SLC25A3: variants seen among roughly 807,000 people sequenced by gnomAD.
SLC25A3 encodes the protein phosphate transport protein.
Under a neutral mutation model 37.1 loss-of-function variants are expected in SLC25A3, and 14 were observed. That is an observed-to-expected ratio of 0.38 (90% CI 0.25 to 0.59). The LOEUF (loss-of-function observed/expected upper bound fraction) is 0.59, where lower values mean the gene tolerates loss of function less well. Ranked by LOEUF, SLC25A3 falls within the 20% of genes least tolerant of loss-of-function variation. The probability of loss-of-function intolerance (pLI) is 0.67; values close to 1 mark genes in which losing one functional copy is unlikely to be tolerated. For missense variants in SLC25A3, 385 were observed against 458.1 expected (o/e 0.84, Z 1.46); for synonymous variants, 161 against 168.7 (o/e 0.95, Z 0.36).
intron 5 of SLC25A3, among the ~76,000 whole-genome samples, chr12:98,599,118 A>T (rs1048063187): frequency 7.0e-6 from 1 of 143,784 alleles, no homozygotes; most frequent in African/African-American, 2.6e-5. Context: ...CTGGAGTGCA[A>T]TGGCACTATC....
rs369831985 is a variant in SLC25A3 at position 98,595,406 on chromosome 12, T to G, written c.158-321T>G. 2.5e-6 allele frequency: 4 copies of G among 1,612,686 alleles called. No individual in the cohort carries two copies. In the African/African-American group the frequency reaches 5.3e-5, roughly 22 times the overall value. ...TAGTCATCTCTGAAGAAATACTTAC[T>G]TGATTTTTTTTTTTCCAATCAAACA... On this transcript the variant is annotated intron_variant, in intron 2 of 7. Coordinates refer to ENST00000552981, the MANE Select transcript of SLC25A3 (RefSeq NM_002635.4).
intron 3 of SLC25A3, among the ~76,000 whole-genome samples, chr12:98,596,891 T>G (rs2097593434): frequency 6.6e-6 from 1 of 152,070 alleles, no homozygotes; most frequent in Admixed American, 6.6e-5. Context: ...CATGGTGGCG[T>G]GCCTGTAGTC....
intron 1 of SLC25A3, 115 bp downstream of exon 1, chr12:98,593,855 C>T (rs547584973): frequency 1.6e-5 from 19 of 1,168,036 alleles, no homozygotes; most frequent in Non-Finnish European, 2.4e-5. Flanking sequence ...TCGAAGGCCG[C>T]CGTGACCTCT....
Position 98,599,993 on chromosome 12 carries a change from TACCATAC to T in SLC25A3, c.686_692del (p.Tyr229Ter). 1 of 1,613,964 alleles carries T rather than the reference TACCATAC, an allele frequency of 6.2e-7. No homozygotes were observed. The highest frequency in any genetic ancestry group is 8.5e-7 in the Non-Finnish European group (1 of 1,179,778). On this transcript the variant is annotated frameshift_variant, in exon 6 of 8. Transcript: ENST00000552981. LOFTEE classifies it high-confidence loss of function. ...GTTGCTCCTCTCTGGATGAGACAGA[TACCATAC>T]ACCATGATGAAGTTCGCCTGCTTTG...
intron 1 of SLC25A3, 84 bp from the exon 2 acceptor site, chr12:98,593,891 A>G: frequency 2.6e-6 from 4 of 1,516,222 alleles, no homozygotes; most frequent in Non-Finnish European, 2.7e-6. Flanking sequence ...CGGGAAGGAA[A>G]AGGCCCCGGT....
rs144437243 is a variant in SLC25A3, at chr12:98,599,157, G to A, written c.641+454G>A. On this transcript the variant is annotated intron_variant, in intron 5 of 7. Coordinates refer to ENST00000552981, the MANE Select transcript of SLC25A3 (RefSeq NM_002635.4). Reference sequence around the variant, plus strand: ...GCTCACTGCAACCTCCGCCTCCCAGGTTCAAGTGATTGTCCTGCCTCAGCC... The same window carrying A: ...GCTCACTGCAACCTCCGCCTCCCAGATTCAAGTGATTGTCCTGCCTCAGCC... Among the ~76,000 whole-genome samples, 457 of 152,062 alleles carry A rather than the reference G, an allele frequency of 3.0e-3. 10 individuals are homozygous for A. Among genetic ancestry groups the A allele is most frequent in the South Asian group, 0.026 (125 of 4,816 alleles).
In SLC25A3 at chr12:98,605,547, A is replaced by C. The variant is rs2097600767; in HGVS notation, c.*4019A>C. ...GAAATTGTATATCAGGCCAGGTGCAAAAGCTCACTCCTGAAATCCAAGCAC... is the reference window on the plus strand; with the variant it reads ...GAAATTGTATATCAGGCCAGGTGCACAAGCTCACTCCTGAAATCCAAGCAC... On this transcript the variant is annotated 3_prime_UTR_variant, in exon 8 of 8. Coordinates refer to ENST00000552981, the MANE Select transcript of SLC25A3 (RefSeq NM_002635.4). The C allele has an allele frequency of 6.6e-6, 1 of 152,078 alleles. No homozygotes were observed. The allele number at this position is 152,078 out of a possible 1,614,324, so 9.4% of individuals were successfully genotyped here. A position where few individuals can be genotyped will look rare whatever the true frequency, so the allele number is the denominator to read the frequency against.
Position 98,603,223 on chromosome 12 carries a change from G to A in SLC25A3, c.*1695G>A, listed in dbSNP as rs1158970347. The A allele has an allele frequency of 6.6e-6, 1 of 152,194 alleles. No homozygotes were observed. The highest frequency in any genetic ancestry group is 1.5e-5 in the Non-Finnish European group (1 of 68,038). The allele number at this position is 152,194 out of a possible 1,614,324, so 9.4% of individuals were successfully genotyped here. A position where few individuals can be genotyped will look rare whatever the true frequency, so the allele number is the denominator to read the frequency against. On this transcript the variant is annotated 3_prime_UTR_variant, in exon 8 of 8. Coordinates refer to ENST00000552981, the MANE Select transcript of SLC25A3 (RefSeq NM_002635.4). The stretch of plus-strand genomic sequence containing the variant: ...GAGTATCAGACTCTTCTGGTTCTGA[G>A]TCTCATGAAGCTTTTCACTTCTGAG...
At chr12:98,595,312 G>A in intron 2 of SLC25A3, 1 of 1,073,038 alleles carries the variant, frequency 9.3e-7, no homozygotes, top group Non-Finnish European at 1.4e-6. Context: ...CCACTTAATT[G>A]TGGCCAAAGC....
At position 98,594,052 on chromosome 12, in the gene SLC25A3, G is replaced by A. The variant is rs375913781; in HGVS notation, c.74G>A (p.Gly25Asp). The A allele has an allele frequency of 4.6e-5, 75 of 1,613,254 alleles. No homozygotes were observed. The highest frequency in any genetic ancestry group is 5.8e-5 in the Non-Finnish European group (69 of 1,179,888). ...NTPHLQLVHD[G>D]LGDLRSSSPG... ...CCACATCTGCAGCTGGTGCACGATG[G>A]TCTCGGGGACCTCCGCAGCAGCTCC... The change falls in exon 2 of 8, where the codon GGT becomes GAT. Residue 25 changes from glycine to aspartate, a missense_variant. This residue lies in a region of SLC25A3 where 109 missense variants were observed against 90.5 expected (regional missense o/e 1.20). Coordinates refer to ENST00000552981, the MANE Select transcript of SLC25A3 (RefSeq NM_002635.4).
In SLC25A3 at chr12:98,601,230, A is replaced by G. The variant is rs2153287994; in HGVS notation, c.874A>G (p.Lys292Glu). The change falls in exon 7 of 8, where the codon AAA (lysine) becomes GAA (glutamate). Residue 292 changes from lysine to glutamate, a missense_variant. Coordinates refer to ENST00000552981, the MANE Select transcript of SLC25A3 (RefSeq NM_002635.4). ...TGATTCTGTGGTATCTGTGTTGAATAAAGAAAAAGGTAGCAGTGCTTCTCT... is the reference window on the plus strand; with the variant it reads ...TGATTCTGTGGTATCTGTGTTGAATGAAGAAAAAGGTAGCAGTGCTTCTCT... ...PADSVVSVLN[K>E]EKGSSASLVL... The G allele has an allele frequency of 1.2e-6, 2 of 1,614,068 alleles. No individual in the cohort carries two copies. The highest frequency in any genetic ancestry group is 1.7e-4 in the Middle Eastern group (1 of 6,026).
rs1312783681 is a variant in SLC25A3 at position 98,599,938 on chromosome 12, GTC to G, written c.642-13_642-12del. 2.5e-6 allele frequency: 4 copies of G among 1,613,442 alleles called. No individual in the cohort carries two copies. The highest frequency in any genetic ancestry group is 2.7e-5 in the African/African-American group (2 of 74,908). On this transcript the variant is annotated splice_polypyrimidine_tract_variant and intron_variant, in intron 5 of 7. Transcript: ENST00000552981. ...GAGTGTATGCAACTGTGTAAAACAA[GTC>G]TCTTGATTTCCTAGATTCTACAAGG...
intron 3 of SLC25A3, 131 bp from the exon 4 acceptor site, chr12:98,597,725 G>A (rs890808676): frequency 2.3e-6 from 3 of 1,314,918 alleles, no homozygotes; most frequent in Non-Finnish European, 3.1e-6. Context: ...TGCCTGGCAG[G>A]AATTACTGTA....
At chr12:98,596,912 G>A (rs574514560) in intron 3 of SLC25A3, among the ~76,000 whole-genome samples, 269 of 152,150 alleles carry the variant, frequency 1.8e-3, no homozygotes, top group African/African-American at 5.8e-3. Flanking sequence ...GCAGCTACTC[G>A]GGAGGCTGAG....
chr12:98,595,284 A>G (rs1354162018), intron 2 of SLC25A3: 3 of 728,936 alleles, frequency 4.1e-6, no homozygotes, highest in African/African-American at 1.8e-5. Context: ...TGAATTTGGC[A>G]GTGAATTTTT....
At chr12:98,597,797 TA>T in intron 3 of SLC25A3, 58 bp from the exon 4 acceptor site, 8 of 1,592,634 alleles carry the variant, frequency 5.0e-6, no homozygotes, top group Non-Finnish European at 6.8e-6. Context: ...ATCATGAGAT[TA>T]AATTTTTATG....
chr12:98,599,537 A>G, intron 5 of SLC25A3: 1 of 436,728 alleles, frequency 2.3e-6, no homozygotes, highest in Non-Finnish European at 4.5e-6. Context: ...CGGTCTACAA[A>G]TGACTTGATG....
rs544908200 is a variant in SLC25A3, at chr12:98,600,004, A to T, written c.691A>T (p.Met231Leu). ...PLWMRQIPYT[M>L]MKFACFERTV... ...CTGGATGAGACAGATACCATACACCATGATGAAGTTCGCCTGCTTTGAACG... is the reference window on the plus strand; with the variant it reads ...CTGGATGAGACAGATACCATACACCTTGATGAAGTTCGCCTGCTTTGAACG... The change falls in exon 6 of 8, where the codon ATG becomes TTG. Residue 231 changes from methionine (M) to leucine (L), a missense_variant. This residue lies in a region of SLC25A3 where 276 missense variants were observed against 367.6 expected (regional missense o/e 0.75). Coordinates refer to ENST00000552981, the MANE Select transcript of SLC25A3 (RefSeq NM_002635.4). 6.2e-7 allele frequency: 1 copy of T among 1,613,982 alleles called. No homozygotes were observed. The highest frequency in any genetic ancestry group is 8.5e-7 in the Non-Finnish European group (1 of 1,179,828).
chr12:98,599,556 A>T, intron 5 of SLC25A3: 1 of 453,270 alleles, frequency 2.2e-6, no homozygotes, highest in Non-Finnish European at 4.3e-6. Context: ...TGTTTGGCCT[A>T]AACATTTACT....
Sources: allele counts gnomAD v4.1 joint callset (sites outside exome capture counted in the v4.1 genomes callset), GRCh38; gene constraint gnomAD v4.1.1; regional missense constraint gnomAD v4.1.1; transcripts MANE v1.5; gene names NCBI Gene and HGNC (gene_info 2026-07-23, HGNC 2026-07-21).